UBE2J1: variants seen among roughly 807,000 people sequenced by gnomAD.
The protein encoded by UBE2J1 is ubiquitin conjugating enzyme E2 J1.
Under a neutral mutation model 42.1 loss-of-function variants are expected in UBE2J1, and 17 were observed. The observed-to-expected ratio is 0.40, with a 90% confidence interval of 0.28 to 0.61. UBE2J1 has a LOEUF of 0.61. Ranked by LOEUF, UBE2J1 falls within the 20% of genes least tolerant of loss-of-function variation. The pLI, the probability that UBE2J1 is intolerant of heterozygous loss-of-function variation, is 0.38. For missense variants in UBE2J1, 291 were observed against 389.4 expected, an observed-to-expected ratio of 0.75 and a Z score of 2.13; for synonymous variants, 127 against 137.2, an observed-to-expected ratio of 0.93 and a Z score of 0.52.
chr6:89,347,810 C>T (rs1359578450), intron 1 of UBE2J1, among the ~76,000 whole-genome samples: 2 of 152,202 alleles, frequency 1.3e-5, no homozygotes, highest in Non-Finnish European at 2.9e-5. Context: ...GAACAAGTCA[C>T]TTGATCTGAT....
At chr6:89,340,063 C>G (rs567044752) in intron 3 of UBE2J1, among the ~76,000 whole-genome samples, 30 of 151,360 alleles carry the variant, frequency 2.0e-4, no homozygotes, top group Non-Finnish European at 3.5e-4. Flanking sequence ...TTCAAGAGGC[C>G]AGGACGAAAC....
chr6:89,337,573 C>G (rs1278835034), intron 5 of UBE2J1, among the ~76,000 whole-genome samples: 6 of 151,954 alleles, frequency 3.9e-5, no homozygotes, highest in African/African-American at 1.5e-4. Context: ...GACTCCAGAG[C>G]AGAAAAATTA....
At chr6:89,337,023 T>C (rs1269452563) in intron 5 of UBE2J1, among the ~76,000 whole-genome samples, 1 of 152,042 alleles carries the variant, frequency 6.6e-6, no homozygotes, top group Non-Finnish European at 1.5e-5. Context: ...TATTTTTTTG[T>C]AGAGCTGCAG....
intron 5 of UBE2J1, among the ~76,000 whole-genome samples, chr6:89,336,208 TGAA>T (rs1768103950): frequency 6.6e-6 from 1 of 152,194 alleles, no homozygotes; most frequent in Non-Finnish European, 1.5e-5. Context: ...CCTTAGGTCT[TGAA>T]GAACATGCTA....
intron 1 of UBE2J1, among the ~76,000 whole-genome samples, chr6:89,345,274 C>A (rs1210258733): frequency 6.6e-6 from 1 of 152,160 alleles, no homozygotes; most frequent in East Asian, 1.9e-4. Context: ...TATATAACCA[C>A]AATGGTTTGG....
At chr6:89,344,868 C>T (rs1253057820) in intron 1 of UBE2J1, among the ~76,000 whole-genome samples, 1 of 152,204 alleles carries the variant, frequency 6.6e-6, no homozygotes, top group Non-Finnish European at 1.5e-5. Flanking sequence ...CTATCTGTAT[C>T]TGCACCCTCT....
At position 89,333,174 on chromosome 6, in the gene UBE2J1, G is replaced by C; in HGVS notation, c.590C>G (p.Ser197Cys). ...AEVNSSGKTI[S>C]ESDLNHSFSL... ...AAAAGAGTGGTTTAAGTCTGACTCA[G>C]AGATAGTCTTTCCAGATGAATTGAC... The change falls in exon 7 of 8, where the codon TCT becomes TGT. Residue 197 changes from serine to cysteine, a missense_variant. By Grantham distance (112) the Ser-to-Cys change is moderately radical. Coordinates refer to ENST00000435041, the MANE Select transcript of UBE2J1 (RefSeq NM_016021.3). 6.2e-7 allele frequency: 1 copy of C among 1,612,814 alleles called. No homozygotes were observed. The highest frequency in any genetic ancestry group is 2.2e-5 in the East Asian group (1 of 44,840).
intron 6 of UBE2J1, among the ~76,000 whole-genome samples, chr6:89,333,619 C>G (rs1020078421): frequency 1.3e-5 from 2 of 152,120 alleles, no homozygotes; most frequent in Non-Finnish European, 2.9e-5. Flanking sequence ...TGAAGAAATC[C>G]TAATGGATTT....
chr6:89,332,086 T>C (rs1455153710), intron 7 of UBE2J1, among the ~76,000 whole-genome samples: 2 of 152,184 alleles, frequency 1.3e-5, no homozygotes, highest in Non-Finnish European at 2.9e-5. Context: ...AGAGACTCAC[T>C]CAAGACTATT....
chr6:89,347,629 T>C (rs1013038338), intron 1 of UBE2J1, among the ~76,000 whole-genome samples: 1 of 152,244 alleles, frequency 6.6e-6, no homozygotes, highest in Non-Finnish European at 1.5e-5. Flanking sequence ...GCACATACCA[T>C]GTAAGAGCTA....
At chr6:89,339,528 AGGGAAGTGGG>A (rs1768194573) in intron 3 of UBE2J1, among the ~76,000 whole-genome samples, 1 of 1,054 alleles carries the variant, frequency 9.5e-4, no homozygotes, top group Non-Finnish European at 2.0e-3. Context: ...GGGGGAAGGG[AGGGAAGTGGG>A]GAGGGGAGGG....
intron 7 of UBE2J1, among the ~76,000 whole-genome samples, chr6:89,332,876 T>C (rs1768035569): frequency 6.6e-6 from 1 of 152,148 alleles, no homozygotes; most frequent in South Asian, 2.1e-4. Flanking sequence ...AATTATTTAA[T>C]CCAGCCCCAT....
In UBE2J1 at chr6:89,343,711, G is replaced by A. The variant is rs1582486749; in HGVS notation, c.77C>T (p.Thr26Ile). The change falls in exon 2 of 8, where the codon ACA (threonine) becomes ATA (isoleucine). Residue 26 changes from threonine to isoleucine, a missense_variant. Physicochemically the swap from Thr to Ile is moderately conservative, Grantham distance 89 (BLOSUM62 -1). Coordinates refer to ENST00000435041, the MANE Select transcript of UBE2J1 (RefSeq NM_016021.3). ...TAAAGGCTGCGCATGGTAATGATCT[G>A]TTGGATCTTTCAATTCTGCCGCTTC... ...MKEAAELKDP[T>I]DHYHAQPLED... 5.6e-6 allele frequency: 9 copies of A among 1,610,216 alleles called. No individual in the cohort carries two copies. The East Asian group carries it at 2.0e-4, about 36-fold the overall frequency.
rs1486196190 is a variant in UBE2J1, at chr6:89,345,733, C to G, written c.32-1977G>C. Reference sequence around the variant, plus strand: ...AACCAGCCTGACCAGCATAGTGAAACCCCATCTCTACTAAAAATACAAAAT... The same window carrying G: ...AACCAGCCTGACCAGCATAGTGAAAGCCCATCTCTACTAAAAATACAAAAT... On this transcript the variant is annotated intron_variant, in intron 1 of 7. Coordinates refer to ENST00000435041, the MANE Select transcript of UBE2J1 (RefSeq NM_016021.3). Among the ~76,000 whole-genome samples, 4 of 151,754 alleles carry G rather than the reference C, an allele frequency of 2.6e-5. No individual in the cohort carries two copies. The South Asian group carries it at 8.3e-4, about 31-fold the overall frequency.
intron 7 of UBE2J1, among the ~76,000 whole-genome samples, chr6:89,330,277 T>A (rs943631781): frequency 2.0e-5 from 3 of 152,176 alleles, no homozygotes; most frequent in African/African-American, 7.2e-5. Context: ...AATGTTTTAA[T>A]TAGGTTCCTA....
At position 89,352,520 on chromosome 6, in the gene UBE2J1, G is replaced by T. The variant is rs1218702586; in HGVS notation, c.31+19C>A. On this transcript the variant is annotated intron_variant, in intron 1 of 7. Coordinates refer to ENST00000435041, the MANE Select transcript of UBE2J1 (RefSeq NM_016021.3). Reference sequence around the variant, plus strand: ...GGGTCACTCCGCCCTCCTCGCCCAGGGGCCCCAGCCCTGCTCACCCGGACT... The same window carrying T: ...GGGTCACTCCGCCCTCCTCGCCCAGTGGCCCCAGCCCTGCTCACCCGGACT... 2 of 1,565,340 alleles carry T rather than the reference G, an allele frequency of 1.3e-6. No homozygotes were observed. The highest frequency in any genetic ancestry group is 3.5e-5 in the Admixed American group (2 of 56,858).
At chr6:89,351,475 C>T (rs183863692) in intron 1 of UBE2J1, among the ~76,000 whole-genome samples, 2 of 152,264 alleles carry the variant, frequency 1.3e-5, no homozygotes, top group East Asian at 1.9e-4. Context: ...GCTAACAAAG[C>T]TCCCTCCAAT....
intron 1 of UBE2J1, among the ~76,000 whole-genome samples, chr6:89,348,950 C>T (rs9351207): frequency 0.33 from 49,482 of 152,008 alleles, 9,198 homozygotes; most frequent in East Asian, 0.59. Context: ...TAGGTAAAAA[C>T]GCAGGCCTGG....
At chr6:89,330,544 A>G (rs1016219945) in intron 7 of UBE2J1, among the ~76,000 whole-genome samples, 1 of 152,186 alleles carries the variant, frequency 6.6e-6, no homozygotes, top group African/African-American at 2.4e-5. Flanking sequence ...ACAATCATAC[A>G]GCACTTTGGG....
Sources: gnomAD v4.1 joint callset for allele counts (sites outside exome capture counted in the v4.1 genomes callset) on GRCh38, gnomAD v4.1.1 for gene constraint, MANE v1.5 for transcripts, NCBI Gene and HGNC (gene_info 2026-07-23, HGNC 2026-07-21) for gene names.